Variants in STKLD1 observed in about 807,000 individuals in gnomAD.
The protein encoded by STKLD1 is serine/threonine kinase like domain containing 1.
A neutral mutation model predicts 80.4 loss-of-function variants in STKLD1; 79 were observed. The ratio of observed to expected loss-of-function variants is 0.98; its 90% CI spans 0.82 to 1.19. The LOEUF (loss-of-function observed/expected upper bound fraction) is 1.19. Among genes scored for constraint, STKLD1 ranks in the 50% most tolerant of loss-of-function variants. STKLD1 has a pLI of 0.00. For missense variants in STKLD1, 841 were observed against 856.0 expected, an observed-to-expected ratio of 0.98 and a Z score of 0.22; for synonymous variants, 393 against 357.6, an observed-to-expected ratio of 1.10 and a Z score of -1.12.
chr9:133,389,172 C>A lies in STKLD1; in HGVS notation c.397-354C>A. 1 of 985,416 alleles carries A rather than the reference C, an allele frequency of 1.0e-6. No homozygotes were observed. Among genetic ancestry groups the A allele is most frequent in the Non-Finnish European group, 1.2e-6 (1 of 829,914 alleles). The allele number at this position is 985,416 out of a possible 1,614,324, so 61.0% of individuals were successfully genotyped here. A position where few individuals can be genotyped will look rare whatever the true frequency, so the allele number is the denominator to read the frequency against. On this transcript the variant is annotated intron_variant, in intron 5 of 17. Transcript: ENST00000371957. This position sits in a 1 kb window ranked among gnomAD's most constrained non-coding sequence, Gnocchi z 6.4. ...CTCATGTAGGCACTGAAGGCTTCCA[C>A]CTCTCCCATACCCGCAAGGCCGATC... is the stretch of plus-strand genomic sequence containing the variant.
intron 10 of STKLD1, 120 bp downstream of exon 10, chr9:133,397,414 G>T: frequency 1.5e-6 from 2 of 1,324,412 alleles, no homozygotes; most frequent in Non-Finnish European, 2.1e-6. Flanking sequence ...CCACATGCAC[G>T]ACCAGTGGGT....
At position 133,400,401 on chromosome 9, in the gene STKLD1, C is replaced by G; in HGVS notation, c.1082-12C>G. The G allele has an allele frequency of 6.2e-7, 1 of 1,607,336 alleles. No homozygotes were observed. The highest frequency in any genetic ancestry group is 1.1e-5 in the South Asian group (1 of 91,002). ...CCAAAATGAGTCTCCCCTGTGCCGC[C>G]CGCCCTGCCAGGTCTGCCGTGGCCC... On this transcript the variant is annotated splice_polypyrimidine_tract_variant and intron_variant, in intron 11 of 17. Coordinates refer to ENST00000371957, the MANE Select transcript of STKLD1 (RefSeq NM_153710.5).
At chr9:133,383,514 GTGA>G in intron 2 of STKLD1, among the ~76,000 whole-genome samples, 1 of 94,614 alleles carries the variant, frequency 1.1e-5, no homozygotes, top group South Asian at 4.4e-4. Context: ...GGTGATGATG[GTGA>G]TGATGGCAGT....
chr9:133,395,397 G>A (rs1019402498), intron 8 of STKLD1, among the ~76,000 whole-genome samples: 10 of 152,108 alleles, frequency 6.6e-5, no homozygotes, highest in Admixed American at 2.6e-4. Context: ...GAGACAACCC[G>A]CTGGCTTCTC....
chr9:133,381,484 C>G (rs2130266478), intron 2 of STKLD1, among the ~76,000 whole-genome samples: 3 of 135,894 alleles, frequency 2.2e-5, no homozygotes, highest in Non-Finnish European at 3.1e-5. Flanking sequence ...GAGTCTCACT[C>G]TTGTTGCCCA....
intron 10 of STKLD1, 82 bp downstream of exon 10, chr9:133,397,376 G>T: frequency 1.9e-6 from 3 of 1,572,102 alleles, no homozygotes; most frequent in Non-Finnish European, 2.6e-6. Flanking sequence ...GTTCCAGAGG[G>T]TTCATTATTT....
intron 14 of STKLD1, 53 bp from the exon 15 acceptor site, chr9:133,403,647 C>G: frequency 6.3e-7 from 1 of 1,586,530 alleles, no homozygotes. Flanking sequence ...GGAAGGCCCC[C>G]CTGCACACAC....
Position 133,403,805 on chromosome 9 carries a change from T to G in STKLD1, c.1580T>G (p.Val527Gly), listed in dbSNP as rs1344786280. ...DGEMAEASCG[V>G]FWLLSLLGCI... ...GAAATGGCAGAAGCCAGCTGCGGAG[T>G]CTTCTGGCTGCTGTCCCTGCTGGGT... The change falls in exon 15 of 18, where the codon GTC (valine) becomes GGC (glycine). Residue 527 changes from valine (V) to glycine (G), a missense_variant. Physicochemically the swap from Val to Gly is moderately radical, Grantham distance 109. Transcript: ENST00000371957. The G allele has an allele frequency of 6.2e-7, 1 of 1,613,472 alleles. No individual in the cohort carries two copies. The highest frequency in any genetic ancestry group is 2.2e-5 in the East Asian group (1 of 44,896).
chr9:133,401,659 C>T (rs1838709271), intron 12 of STKLD1, 79 bp from the exon 13 acceptor site: 1 of 1,494,054 alleles, frequency 6.7e-7, no homozygotes, highest in Non-Finnish European at 8.9e-7. Flanking sequence ...TGCTATCCCC[C>T]AGCCTGTGAG....
intron 4 of STKLD1, among the ~76,000 whole-genome samples, chr9:133,386,693 T>C (rs1564377265): frequency 6.6e-6 from 1 of 152,250 alleles, no homozygotes; most frequent in Non-Finnish European, 1.5e-5. Context: ...GGATGACTTC[T>C]TGTCTTTACA....
At chr9:133,399,601 C>G (rs587595623) in intron 11 of STKLD1, among the ~76,000 whole-genome samples, 11 of 152,342 alleles carry the variant, frequency 7.2e-5, no homozygotes, top group Middle Eastern at 3.4e-3. Context: ...TGCAGCCCAG[C>G]GCAGTGGCTC....
rs1245937714 is a variant in STKLD1 at position 133,376,558 on chromosome 9, C to G, written c.85C>G (p.Gln29Glu). Residue 29 changes from glutamine (Q) to glutamate (E), a missense_variant and splice_region_variant, in exon 1 of 18, where the codon CAG (glutamine) becomes GAG (glutamate). Transcript: ENST00000371957. Reference sequence around the variant, plus strand: ...CCCCGGAGAGCCCATGGAGAAGTACCAGGTGCCGAGTGTTCCCTGCGGGGA... The same window carrying G: ...CCCCGGAGAGCCCATGGAGAAGTACGAGGTGCCGAGTGTTCCCTGCGGGGA... ...GSPGEPMEKY[Q>E]VLYQLNPGAL... 7 of 1,594,780 alleles carry G rather than the reference C, an allele frequency of 4.4e-6. No individual in the cohort carries two copies. Among genetic ancestry groups the G allele is most frequent in the Non-Finnish European group, 6.0e-6 (7 of 1,172,858 alleles).
intron 4 of STKLD1, among the ~76,000 whole-genome samples, chr9:133,386,469 C>T (rs1838267418): frequency 6.6e-6 from 1 of 152,216 alleles, no homozygotes; most frequent in Admixed American, 6.5e-5. Flanking sequence ...CCGTCCTGGG[C>T]CTGTGCGCCC....
At position 133,390,657 on chromosome 9, in the gene STKLD1, G is replaced by T. The variant is rs1460785572; in HGVS notation, c.468-24G>T. On this transcript the variant is annotated intron_variant, in intron 6 of 17. Coordinates refer to ENST00000371957, the MANE Select transcript of STKLD1 (RefSeq NM_153710.5). This position sits in a 1 kb window ranked among gnomAD's most constrained non-coding sequence, Gnocchi z 5.1. ...CCCAGGTGGCCCCTTGGCATCCAGA[G>T]GCAAACCCACCTCTTGGTTTCAGGA... The T allele has an allele frequency of 2.5e-6, 4 of 1,603,788 alleles. No individual in the cohort carries two copies. The East Asian group carries it at 8.9e-5, about 36-fold the overall frequency.
intron 1 of STKLD1, among the ~76,000 whole-genome samples, chr9:133,378,159 C>T (rs1838045676): frequency 6.6e-6 from 1 of 152,156 alleles, no homozygotes; most frequent in Non-Finnish European, 1.5e-5. Flanking sequence ...CCTAACAGGC[C>T]ACGGACTAGG....
chr9:133,387,567 C>T lies in STKLD1; in HGVS notation c.396+19C>T. The T allele has an allele frequency of 6.2e-7, 1 of 1,604,110 alleles. No homozygotes were observed. Among genetic ancestry groups the T allele is most frequent in the Non-Finnish European group, 8.5e-7 (1 of 1,171,126 alleles). On this transcript the variant is annotated intron_variant, in intron 5 of 17. Transcript: ENST00000371957. ...CTCTGAGGTGAGGTCCTTTGGGGCACCAGGCCTGGGGGCCACCTAGACCTG... is the reference window on the plus strand; with the variant it reads ...CTCTGAGGTGAGGTCCTTTGGGGCATCAGGCCTGGGGGCCACCTAGACCTG...
At chr9:133,392,623 A>T (rs1468242951) in intron 7 of STKLD1, among the ~76,000 whole-genome samples, 1 of 68,840 alleles carries the variant, frequency 1.5e-5, no homozygotes, top group African/African-American at 5.4e-5. Flanking sequence ...GGATGGATGG[A>T]TGGATGGATG....
rs1588729956 is a variant in STKLD1, at chr9:133,376,528, G to A, written c.55G>A (p.Gly19Arg). 1 of 1,601,346 alleles carries A rather than the reference G, an allele frequency of 6.2e-7. No individual in the cohort carries two copies. Among genetic ancestry groups the A allele is most frequent in the Non-Finnish European group, 8.5e-7 (1 of 1,175,640 alleles). The change falls in exon 1 of 18, where the codon GGG (glycine) becomes AGG (arginine). Residue 19 changes from glycine to arginine, a missense_variant. Coordinates refer to ENST00000371957, the MANE Select transcript of STKLD1 (RefSeq NM_153710.5). ...CCCCACGCAGGGGGAGCGAGGCCCA[G>A]GGTCCCCCGGAGAGCCCATGGAGAA... ...RRPTQGERGP[G>R]SPGEPMEKYQ... is the part of the protein sequence containing the mutation.
In STKLD1 at chr9:133,389,614, C is replaced by T. The variant is rs2130284701; in HGVS notation, c.467+18C>T. 6.2e-7 allele frequency: 1 copy of T among 1,613,268 alleles called. No homozygotes were observed. Among genetic ancestry groups the T allele is most frequent in the Non-Finnish European group, 8.5e-7 (1 of 1,179,810 alleles). On this transcript the variant is annotated intron_variant, in intron 6 of 17. Transcript: ENST00000371957. The surrounding 1 kb of genome is among the most constrained non-coding windows in gnomAD (Gnocchi z 6.4). Reference sequence around the variant, plus strand: ...ATCCACAGGTAAGTGGGGCCCCTGACCTCTGCGGACTGGCTGGCTGCTTCG... The same window carrying T: ...ATCCACAGGTAAGTGGGGCCCCTGATCTCTGCGGACTGGCTGGCTGCTTCG...
Sources: gnomAD v4.1 joint callset for allele counts (sites outside exome capture counted in the v4.1 genomes callset) on GRCh38, gnomAD v4.1.1 for gene constraint, Gnocchi (gnomAD v3.1) non-coding constraint, MANE v1.5 for transcripts, NCBI Gene and HGNC (gene_info 2026-07-23, HGNC 2026-07-21) for gene names.